Variants in SEMG1 observed in about 807,000 individuals in gnomAD.
The protein encoded by SEMG1 is semenogelin 1.
In SEMG1, 6 loss-of-function variants were observed where a neutral mutation model predicts 8.8. The observed-to-expected ratio is 0.68, with a 90% CI of 0.37 to 1.35. The LOEUF is 1.35. SEMG1 is among the 40% of genes most tolerant of loss of function. The pLI, the probability that SEMG1 is intolerant of heterozygous loss-of-function variation, is 0.02. For synonymous variants in SEMG1, 221 were observed against 190.3 expected (o/e 1.16, Z -1.33); for missense variants, 580 against 533.6 (o/e 1.09, Z -0.86).
In SEMG1 at chr20:45,207,502, T is replaced by G. The variant is rs1028248052; in HGVS notation, c.205T>G (p.Tyr69Asp). The G allele has an allele frequency of 1.2e-6, 2 of 1,613,854 alleles. No homozygotes were observed. Among genetic ancestry groups the G allele is most frequent in the South Asian group, 1.1e-5 (1 of 91,072 alleles). The change falls in exon 2 of 3, where the codon TAT (tyrosine) becomes GAT (aspartate). Residue 69 changes from tyrosine (Y) to aspartate (D), a missense_variant. Tyr to Asp is a radical substitution (Grantham distance 160). Coordinates refer to ENST00000372781, the MANE Select transcript of SEMG1 (RefSeq NM_003007.5). The part of the protein sequence containing the change: ...SKGSFSIQYT[Y>D]HVDANDHDQS... ...AGGCAGTTTTTCTATTCAATACACA[T>G]ATCATGTAGATGCCAATGATCATGA...
In SEMG1 at chr20:45,207,364, C is replaced by G. The variant is rs148730205; in HGVS notation, c.77-10C>G. ...TAATGAATGCATACCTTCTTATTAT[C>G]AATTACCAGGTGGATCAAAAGGCCG... On this transcript the variant is annotated splice_polypyrimidine_tract_variant and intron_variant, in intron 1 of 2. Transcript: ENST00000372781. 3.5e-4 allele frequency: 550 copies of G among 1,593,016 alleles called. 1 individual carries two copies. In the African/African-American group the frequency reaches 6.9e-3, roughly 20 times the overall value.
At position 45,207,671 on chromosome 20, in the gene SEMG1, G is replaced by T; in HGVS notation, c.374G>T (p.Arg125Met). The T allele has an allele frequency of 1.2e-6, 2 of 1,613,892 alleles. No individual in the cohort carries two copies. Among genetic ancestry groups the T allele is most frequent in the Non-Finnish European group, 1.7e-6 (2 of 1,179,878 alleles). The change falls in exon 2 of 3, where the codon AGG becomes ATG. Residue 125 changes from arginine to methionine, a missense_variant. Transcript: ENST00000372781. ...DHDKSKGHFHRVVIHHKGGKA... is the reference protein window; with the variant it reads ...DHDKSKGHFHMVVIHHKGGKA... Reference sequence around the variant, plus strand: ...GATAAATCAAAAGGTCATTTTCACAGGGTAGTTATACACCATAAAGGAGGC... The same window carrying T: ...GATAAATCAAAAGGTCATTTTCACATGGTAGTTATACACCATAAAGGAGGC...
rs769591226 is a variant in SEMG1, at chr20:45,207,606, T to C, written c.309T>C (p.Ser103=). Residue 103 remains serine, a synonymous_variant, in exon 2 of 3, where the codon AGT becomes AGC. Coordinates refer to ENST00000372781, the MANE Select transcript of SEMG1 (RefSeq NM_003007.5). ...AATCACAACGACATCTAGGTGGAAG[T>C]CAACAACTGCTCCATAATAAACAAG... The part of the protein sequence containing the change: ...TTKSQRHLGG[S]QQLLHNKQEG... The C allele has an allele frequency of 2.5e-6, 4 of 1,613,488 alleles. No individual in the cohort carries two copies. The highest frequency in any genetic ancestry group is 2.5e-6 in the Non-Finnish European group (3 of 1,179,768).
intron 1 of SEMG1, 114 bp downstream of exon 1, chr20:45,207,243 T>G (rs999168283): frequency 1.4e-4 from 210 of 1,496,680 alleles, no homozygotes; most frequent in Non-Finnish European, 1.9e-4. Context: ...TTGAAGAGAA[T>G]TGATTTTCTC....
chr20:45,208,039 C>T lies in SEMG1; in HGVS notation c.742C>T (p.His248Tyr). 2 of 1,614,122 alleles carry T rather than the reference C, an allele frequency of 1.2e-6. No homozygotes were observed. The highest frequency in any genetic ancestry group is 1.7e-6 in the Non-Finnish European group (2 of 1,180,000). Residue 248 changes from histidine (H) to tyrosine (Y), a missense_variant, in exon 2 of 3, where the codon CAT becomes TAT. Coordinates refer to ENST00000372781, the MANE Select transcript of SEMG1 (RefSeq NM_003007.5). ...LCPAHQDKLQ[H>Y]GSKDIFSTQD... ...TCCTGCGCACCAAGACAAACTCCAA[C>T]ATGGATCCAAAGACATTTTTTCTAC...
At position 45,207,875 on chromosome 20, in the gene SEMG1, G is replaced by C; in HGVS notation, c.578G>C (p.Ser193Thr). The change falls in exon 2 of 3, where the codon AGT (serine) becomes ACT (threonine). Residue 193 changes from serine to threonine, a missense_variant. Transcript: ENST00000372781. ...KGRKQGGSQS[S>T]YVLQTEELVA... The stretch of plus-strand genomic sequence containing the variant: ...AGAAAACAAGGCGGATCCCAAAGCA[G>C]TTATGTTCTCCAAACTGAAGAGCTA... 6.2e-7 allele frequency: 1 copy of C among 1,614,026 alleles called. No homozygotes were observed. The highest frequency in any genetic ancestry group is 8.5e-7 in the Non-Finnish European group (1 of 1,179,964).
chr20:45,207,172 CTAA>C, intron 1 of SEMG1, 43 bp downstream of exon 1: 1 of 1,611,948 alleles, frequency 6.2e-7, no homozygotes, highest in South Asian at 1.1e-5. Flanking sequence ...GCTCAGACAG[CTAA>C]TAATCTAAGA....
At position 45,207,080 on chromosome 20, in the gene SEMG1, T is replaced by C; in HGVS notation, c.27T>C (p.Leu9=). Residue 9 remains leucine (L), a synonymous_variant, in exon 1 of 3, where the codon CTT becomes CTC. Coordinates refer to ENST00000372781, the MANE Select transcript of SEMG1 (RefSeq NM_003007.5). MKPNIIFV[L]SLLLILEKQA... ...TGAAGCCCAACATCATCTTTGTACT[T>C]TCCCTGCTCCTCATCTTGGAGAAGC... is the stretch of plus-strand genomic sequence containing the variant. The C allele has an allele frequency of 6.2e-7, 1 of 1,613,814 alleles. No homozygotes were observed.
intron 2 of SEMG1, 30 bp downstream of exon 2, chr20:45,208,760 ATCTC>A: frequency 1.0e-6 from 1 of 995,784 alleles, no homozygotes; most frequent in Non-Finnish European, 1.5e-6. Context: ...TAGGGGAGAT[ATCTC>A]TCTCATTGTT....
chr20:45,207,931 A>G lies in SEMG1; in HGVS notation c.634A>G (p.Asn212Asp), dbSNP rs751792588. 6.8e-6 allele frequency: 11 copies of G among 1,613,948 alleles called. No homozygotes were observed. The highest frequency in any genetic ancestry group is 9.3e-6 in the Non-Finnish European group (11 of 1,179,980). The change falls in exon 2 of 3, where the codon AAT (asparagine) becomes GAT (aspartate). Residue 212 changes from asparagine to aspartate, a missense_variant. Transcript: ENST00000372781. ...VANKQQRETKNSHQNKGHYQN... is the reference protein window; with the variant it reads ...VANKQQRETKDSHQNKGHYQN... The stretch of plus-strand genomic sequence containing the variant: ...TAACAAACAACAACGTGAGACTAAA[A>G]ATTCTCATCAAAATAAAGGGCATTA...
At position 45,208,038 on chromosome 20, in the gene SEMG1, A is replaced by G; in HGVS notation, c.741A>G (p.Gln247=). The part of the protein sequence containing the change: ...SLCPAHQDKL[Q]HGSKDIFSTQ... ...GTCCTGCGCACCAAGACAAACTCCA[A>G]CATGGATCCAAAGACATTTTTTCTA... Residue 247 remains glutamine, a synonymous_variant, in exon 2 of 3, where the codon CAA becomes CAG. Coordinates refer to ENST00000372781, the MANE Select transcript of SEMG1 (RefSeq NM_003007.5). The G allele has an allele frequency of 6.2e-7, 1 of 1,614,156 alleles. No homozygotes were observed. Among genetic ancestry groups the G allele is most frequent in the Non-Finnish European group, 8.5e-7 (1 of 1,179,994 alleles).
chr20:45,207,684 C>A lies in SEMG1; in HGVS notation c.387C>A (p.His129Gln). ...SKGHFHRVVIHHKGGKAHRGT... is the reference protein window; with the variant it reads ...SKGHFHRVVIQHKGGKAHRGT... ...GTCATTTTCACAGGGTAGTTATACA[C>A]CATAAAGGAGGCAAAGCTCATCGTG... Residue 129 changes from histidine to glutamine, a missense_variant, in exon 2 of 3, where the codon CAC (histidine) becomes CAA (glutamine). By Grantham distance (24) the His-to-Gln change is conservative. Coordinates refer to ENST00000372781, the MANE Select transcript of SEMG1 (RefSeq NM_003007.5). The A allele has an allele frequency of 6.2e-7, 1 of 1,613,870 alleles. No homozygotes were observed. Among genetic ancestry groups the A allele is most frequent in the Non-Finnish European group, 8.5e-7 (1 of 1,179,886 alleles).
chr20:45,207,110 A>G lies in SEMG1; in HGVS notation c.57A>G (p.Ala19=), dbSNP rs1369409769. The change falls in exon 1 of 3, where the codon GCA becomes GCG. Residue 19 remains alanine (A), a synonymous_variant. Coordinates refer to ENST00000372781, the MANE Select transcript of SEMG1 (RefSeq NM_003007.5). ...TGCTCCTCATCTTGGAGAAGCAAGC[A>G]GCTGTGATGGGACAAAAAGGTGAGT... ...LSLLLILEKQ[A]AVMGQKGGSK... is the part of the protein sequence containing the mutation. 1.9e-6 allele frequency: 3 copies of G among 1,613,724 alleles called. No homozygotes were observed. The highest frequency in any genetic ancestry group is 2.5e-6 in the Non-Finnish European group (3 of 1,179,808).
In SEMG1 at chr20:45,208,209, T is replaced by C. The variant is rs1258640637; in HGVS notation, c.912T>C (p.Gly304=). Residue 304 remains glycine (G), a synonymous_variant, in exon 2 of 3, where the codon GGT becomes GGC. Transcript: ENST00000372781. ...GACGACTCCACTATGGAGAAAATGG[T>C]GTGCAGAAAGATGTATCCCAAAGCA... is the stretch of plus-strand genomic sequence containing the variant. ...EERRLHYGEN[G]VQKDVSQSSI... is the part of the protein sequence containing the mutation. 1 of 1,613,338 alleles carries C rather than the reference T, an allele frequency of 6.2e-7. No individual in the cohort carries two copies. The highest frequency in any genetic ancestry group is 2.2e-5 in the East Asian group (1 of 44,868).
In SEMG1 at chr20:45,208,624, G is replaced by T; in HGVS notation, c.1327G>T (p.Asp443Tyr). The change falls in exon 2 of 3, where the codon GAT becomes TAT. Residue 443 changes from aspartate (D) to tyrosine (Y), a missense_variant. Asp to Tyr is a radical substitution (Grantham distance 160). Coordinates refer to ENST00000372781, the MANE Select transcript of SEMG1 (RefSeq NM_003007.5). ...GLDIVIIEQEDDSDRHLAQHL... is the reference protein window; with the variant it reads ...GLDIVIIEQEYDSDRHLAQHL... The stretch of plus-strand genomic sequence containing the variant: ...GGATATTGTAATTATAGAGCAGGAA[G>T]ATGACAGTGATCGTCATTTGGCACA... 4 of 1,613,122 alleles carry T rather than the reference G, an allele frequency of 2.5e-6. No homozygotes were observed. Among genetic ancestry groups the T allele is most frequent in the Non-Finnish European group, 3.4e-6 (4 of 1,179,690 alleles).
Position 45,208,984 on chromosome 20 carries a change from G to A in SEMG1, c.*44+254G>A, listed in dbSNP as rs1159938687. On this transcript the variant is annotated intron_variant, in intron 2 of 2. Transcript: ENST00000372781. ...GAATATTCTTCAATAATATTTTTTT[G>A]TATATGCCTACCTGCTAAAGGTTTT... Among the ~76,000 whole-genome samples the A allele has an allele frequency of 4.6e-5, 7 of 152,102 alleles. No homozygotes were observed. The East Asian group carries it at 7.7e-4, about 17-fold the overall frequency.
chr20:45,207,180 C>A, intron 1 of SEMG1, 51 bp downstream of exon 1: 1 of 1,610,908 alleles, frequency 6.2e-7, no homozygotes, highest in Non-Finnish European at 8.5e-7. Flanking sequence ...AGCTAATAAT[C>A]TAAGATTATT....
chr20:45,207,834 T>C lies in SEMG1; in HGVS notation c.537T>C (p.Ser179=). ...TAAGTAAAGAACAAACTTCCGTCTC[T>C]GGTGCACAAAAAGGTAGAAAACAAG... is the stretch of plus-strand genomic sequence containing the variant. The part of the protein sequence containing the change: ...HGLSKEQTSV[S]GAQKGRKQGG... The change falls in exon 2 of 3, where the codon TCT becomes TCC. Residue 179 remains serine, a synonymous_variant. Transcript: ENST00000372781. 1 of 1,613,786 alleles carries C rather than the reference T, an allele frequency of 6.2e-7. No individual in the cohort carries two copies. Among genetic ancestry groups the C allele is most frequent in the Non-Finnish European group, 8.5e-7 (1 of 1,179,730 alleles).
chr20:45,208,549 C>T lies in SEMG1; in HGVS notation c.1252C>T (p.Leu418Phe). 6.2e-7 allele frequency: 1 copy of T among 1,614,002 alleles called. No individual in the cohort carries two copies. ...GQSTNREQDLLSHEQKGRHQH... is the reference protein window; with the variant it reads ...GQSTNREQDLFSHEQKGRHQH... ...ATCTACAAATAGAGAACAAGACCTACTCAGTCATGAACAAAAAGGCAGACA... is the reference window on the plus strand; with the variant it reads ...ATCTACAAATAGAGAACAAGACCTATTCAGTCATGAACAAAAAGGCAGACA... The change falls in exon 2 of 3, where the codon CTC becomes TTC. Residue 418 changes from leucine to phenylalanine, a missense_variant. Transcript: ENST00000372781.
Sources: gnomAD v4.1 joint callset for allele counts (sites outside exome capture counted in the v4.1 genomes callset) on GRCh38, gnomAD v4.1.1 for gene constraint, MANE v1.5 for transcripts, NCBI Gene and HGNC (gene_info 2026-07-23, HGNC 2026-07-21) for gene names.